FTO: variants seen among roughly 807,000 people sequenced by gnomAD.
FTO encodes FTO alpha-ketoglutarate dependent dioxygenase.
FTO carries 47 observed loss-of-function variants against 63.9 expected under a neutral mutation model. That is an observed-to-expected ratio of 0.74 (90% confidence interval 0.58 to 0.94). The LOEUF is 0.94. Ranked by LOEUF, FTO falls within the 40% of genes least tolerant of loss-of-function variation. The pLI is 0.00. For synonymous variants in FTO, 207 were observed against 224.4 expected, an observed-to-expected ratio of 0.92 and a Z score of 0.69; for missense variants, 562 against 618.1, an observed-to-expected ratio of 0.91 and a Z score of 0.96.
intron 2 of FTO, among the ~76,000 whole-genome samples, chr16:53,810,688 A>T (rs1248719492): frequency 6.6e-6 from 1 of 152,182 alleles, no homozygotes; most frequent in South Asian, 2.1e-4. Context: ...TCTGAATTAG[A>T]CACCACTGTT....
At chr16:53,711,228 G>A (rs1567918244) in intron 1 of FTO, 1 of 376,010 alleles carries the variant, frequency 2.7e-6, no homozygotes, top group African/African-American at 2.2e-5. Context: ...TGAGTGTCTA[G>A]TCAAGTGGAT....
intron 7 of FTO, among the ~76,000 whole-genome samples, chr16:53,917,801 G>T (rs925819330): frequency 2.0e-5 from 3 of 151,648 alleles, no homozygotes; most frequent in Admixed American, 2.0e-4. Flanking sequence ...GTAGCAGGTA[G>T]TTCTGACATT....
intron 3 of FTO, among the ~76,000 whole-genome samples, chr16:53,838,838 T>C (rs1402515303): frequency 6.6e-6 from 1 of 151,942 alleles, no homozygotes; most frequent in South Asian, 2.1e-4. Context: ...GACTCTAGTC[T>C]CAAAAAGAAA....
At chr16:54,086,269 A>G (rs2144532556) in intron 8 of FTO, among the ~76,000 whole-genome samples, 1 of 152,316 alleles carries the variant, frequency 6.6e-6, no homozygotes, top group East Asian at 1.9e-4. Context: ...CACAAGACCC[A>G]TGTATCCAGC....
chr16:53,779,023 G>A (rs535140643), intron 1 of FTO, among the ~76,000 whole-genome samples: 18 of 152,222 alleles, frequency 1.2e-4, no homozygotes, highest in East Asian at 9.7e-4. Flanking sequence ...AGCAACATGC[G>A]AAAATTCTTT....
chr16:54,020,794 A>T (rs1196413689), intron 8 of FTO, among the ~76,000 whole-genome samples: 1 of 152,122 alleles, frequency 6.6e-6, no homozygotes, highest in Non-Finnish European at 1.5e-5. Context: ...CAACATGGCG[A>T]AACTTCATCT....
intron 2 of FTO, among the ~76,000 whole-genome samples, chr16:53,825,046 G>A (rs2078968367): frequency 6.6e-6 from 1 of 152,114 alleles, no homozygotes; most frequent in African/African-American, 2.4e-5. Context: ...TTAGAATTTT[G>A]TAGAATTACA....
At chr16:53,757,649 A>G (rs1335971058) in intron 1 of FTO, among the ~76,000 whole-genome samples, 1 of 152,168 alleles carries the variant, frequency 6.6e-6, no homozygotes. Flanking sequence ...TTATAAGTCT[A>G]TGATTTCAGA....
chr16:53,907,521 A>G (rs1368041418), intron 7 of FTO, among the ~76,000 whole-genome samples: 1 of 152,182 alleles, frequency 6.6e-6, no homozygotes, highest in East Asian at 1.9e-4. Flanking sequence ...TATGGTTTCT[A>G]CTGTGTGCAT....
At chr16:53,880,473 C>T (rs944999147) in intron 6 of FTO, among the ~76,000 whole-genome samples, 3 of 152,160 alleles carry the variant, frequency 2.0e-5, no homozygotes, top group Non-Finnish European at 2.9e-5. Flanking sequence ...TGTTAGTTCA[C>T]GAACTTATTC....
chr16:53,928,389 G>A (rs1190916029), intron 7 of FTO, among the ~76,000 whole-genome samples: 1 of 152,144 alleles, frequency 6.6e-6, no homozygotes, highest in Admixed American at 6.5e-5. Context: ...TTTGAAGACA[G>A]TTCTATGTTA....
chr16:54,104,252 A>C (rs1399539655), intron 8 of FTO, among the ~76,000 whole-genome samples: 5 of 151,606 alleles, frequency 3.3e-5, no homozygotes, highest in African/African-American at 9.7e-5. Context: ...CTGATCTGGC[A>C]GGTGGGTTTT....
intron 8 of FTO, among the ~76,000 whole-genome samples, chr16:54,017,229 G>A (rs1283669699): frequency 6.6e-6 from 1 of 151,978 alleles, no homozygotes; most frequent in Non-Finnish European, 1.5e-5. Context: ...ATTTTTTATC[G>A]ACACCAAATC....
rs979898215 is a variant in FTO at position 53,905,352 on chromosome 16, A to G, written c.1239+16401A>G. 2.0e-5 allele frequency among the ~76,000 whole-genome samples: 3 copies of G among 152,152 alleles called. No homozygotes were observed. The East Asian group carries it at 5.8e-4, about 29-fold the overall frequency. ...CATATGGAGAGTCTCAAGTTTCTTCATTTGTAAAATGGGGATAATAATAGT... is the reference window on the plus strand; with the variant it reads ...CATATGGAGAGTCTCAAGTTTCTTCGTTTGTAAAATGGGGATAATAATAGT... On this transcript the variant is annotated intron_variant, in intron 7 of 8. Transcript: ENST00000471389.
At chr16:53,759,337 C>T (rs2076994157) in intron 1 of FTO, among the ~76,000 whole-genome samples, 1 of 151,932 alleles carries the variant, frequency 6.6e-6, no homozygotes, top group Admixed American at 6.6e-5. Flanking sequence ...CCAGGTGGTC[C>T]AGTATTTAAC....
intron 8 of FTO, among the ~76,000 whole-genome samples, chr16:54,059,411 TA>T (rs2085517218): frequency 6.6e-6 from 1 of 151,322 alleles, no homozygotes; most frequent in African/African-American, 2.5e-5. Context: ...AAGTGCCTGA[TA>T]AAAATGTCAT....
intron 1 of FTO, among the ~76,000 whole-genome samples, chr16:53,732,154 TTC>T (rs890321370): frequency 3.4e-4 from 51 of 151,282 alleles, no homozygotes; most frequent in African/African-American, 1.2e-3. Context: ...CTTCATGCCA[TTC>T]TCCTGCCTCA....
chr16:53,715,072 G>A (rs1012962035), intron 1 of FTO, among the ~76,000 whole-genome samples: 8 of 152,164 alleles, frequency 5.3e-5, no homozygotes, highest in African/African-American at 1.7e-4. Flanking sequence ...AACTGAAAAT[G>A]TGTTAATCCA....
chr16:53,759,651 GCC>G (rs1285170549), intron 1 of FTO, among the ~76,000 whole-genome samples: 1 of 136,420 alleles, frequency 7.3e-6, no homozygotes, highest in Non-Finnish European at 1.5e-5. Context: ...CCGAGATCGT[GCC>G]ACTGCACTCC....
Sources: allele counts gnomAD v4.1 joint callset (sites outside exome capture counted in the v4.1 genomes callset), GRCh38; gene constraint gnomAD v4.1.1; transcripts MANE v1.5; gene names NCBI Gene and HGNC (gene_info 2026-07-23, HGNC 2026-07-21).